Variants in ATP11C observed in about 807,000 individuals in gnomAD.
ATP11C encodes ATPase phospholipid transporting 11C (ATP11C blood group).
ATP11C carries 36 observed loss-of-function variants against 97.4 expected under a neutral mutation model. The observed-to-expected ratio is 0.37, with a 90% CI of 0.28 to 0.49. The LOEUF (loss-of-function observed/expected upper bound fraction) is 0.49, where lower values mean the gene tolerates loss of function less well. ATP11C is among the 20% of genes least tolerant of loss of function. The pLI, the probability that ATP11C is intolerant of heterozygous loss-of-function variation, is 0.98. For synonymous variants in ATP11C, 275 were observed against 290.9 expected (o/e 0.95, Z 0.56); for missense variants, 730 against 824.6 (o/e 0.89, Z 1.40).
chrX:139,848,517 T>A (rs1450261072), intron 1 of ATP11C, among the ~76,000 whole-genome samples: 1 of 108,602 alleles, frequency 9.2e-6, no homozygotes, highest in Non-Finnish European at 1.9e-5. Flanking sequence ...GAGACAGGGG[T>A]CTCACTATGT....
At chrX:139,781,388 A>T (rs1470552821) in intron 18 of ATP11C, among the ~76,000 whole-genome samples, 1 of 112,684 alleles carries the variant, frequency 8.9e-6, no homozygotes, top group Non-Finnish European at 1.9e-5. Context: ...AAGTCTGAAA[A>T]AGGTCAGCCT....
rs772112736 is a variant in ATP11C at position 139,797,262 on chromosome X, T to C, written c.922A>G (p.Thr308Ala). 4 of 1,186,488 alleles carry C rather than the reference T, an allele frequency of 3.4e-6. No homozygotes were observed. The Admixed American group carries it at 6.7e-5, about 20-fold the overall frequency. Residue 308 changes from threonine to alanine, a missense_variant, in exon 11 of 30, where the codon ACT (threonine) becomes GCT (alanine). Thr to Ala is a moderately conservative substitution (Grantham distance 58, BLOSUM62 0). Coordinates refer to ENST00000682941, the MANE Select transcript of ATP11C (RefSeq NM_001353812.2). ...ILLTKAAVCT[T>A]LKYVWQSTPY... ...GTACTTTGCCAAACATACTTTAGAG[T>C]AGTGCATACTGCAGCTTTGGTCAGT...
intron 2 of ATP11C, among the ~76,000 whole-genome samples, chrX:139,820,939 T>C (rs965938821): frequency 2.7e-5 from 3 of 111,354 alleles, no homozygotes; most frequent in Non-Finnish European, 5.6e-5. Context: ...ATGTGCGATT[T>C]AGCATGAAAC....
chrX:139,874,045 G>GT (rs746204437), intron 1 of ATP11C, among the ~76,000 whole-genome samples: 3,275 of 94,562 alleles, frequency 0.035, 58 homozygotes, highest in Middle Eastern at 0.069. Flanking sequence ...AAACAACCAG[G>GT]TTTTTTTTTT....
At chrX:139,867,309 A>C (rs2084302568) in intron 1 of ATP11C, among the ~76,000 whole-genome samples, 1 of 110,692 alleles carries the variant, frequency 9.0e-6, no homozygotes, top group Admixed American at 9.7e-5. Context: ...GGTAGACAGC[A>C]ATAAGTGCCA....
rs931338030 is a variant in ATP11C at position 139,775,060 on chromosome X, C to A, written c.1953-107G>T. 44 of 797,826 alleles carry A rather than the reference C, an allele frequency of 5.5e-5. 1 individual carries two copies. In the South Asian group the frequency reaches 1.6e-3, roughly 29 times the overall value. 65.7% of individuals were successfully genotyped at this position (797,826 alleles called of 1,213,427 possible). A position where few individuals can be genotyped will look rare whatever the true frequency, so the allele number is the denominator to read the frequency against. Reference sequence around the variant, plus strand: ...TTATAATTCACAGCAATTCTAGAGTCCTGACACCTTATCACGGTTGACTTT... The same window carrying A: ...TTATAATTCACAGCAATTCTAGAGTACTGACACCTTATCACGGTTGACTTT... On this transcript the variant is annotated intron_variant, in intron 18 of 29. Transcript: ENST00000682941.
intron 1 of ATP11C, among the ~76,000 whole-genome samples, chrX:139,872,172 A>T (rs2084388792): frequency 9.1e-6 from 1 of 109,961 alleles, no homozygotes. Flanking sequence ...GAATAATAAC[A>T]GCATCTGAAA....
chrX:139,879,339 T>TA (rs1257989577), intron 1 of ATP11C, among the ~76,000 whole-genome samples: 17 of 110,120 alleles, frequency 1.5e-4, no homozygotes, highest in African/African-American at 2.6e-4. Flanking sequence ...TATTCACCAT[T>TA]AAAAAAACAA....
At chrX:139,833,933 C>T (rs1198849617) in intron 1 of ATP11C, among the ~76,000 whole-genome samples, 2 of 111,746 alleles carry the variant, frequency 1.8e-5, no homozygotes, top group Non-Finnish European at 3.8e-5. Context: ...CTTTAAATGA[C>T]TGTAAACTAT....
intron 1 of ATP11C, among the ~76,000 whole-genome samples, chrX:139,926,732 C>G (rs999016061): frequency 8.9e-6 from 1 of 112,472 alleles, no homozygotes; most frequent in African/African-American, 3.2e-5. Flanking sequence ...AAGGAACAAA[C>G]AGTAAACACT....
intron 1 of ATP11C, among the ~76,000 whole-genome samples, chrX:139,870,481 TAA>T (rs1187704123): frequency 1.8e-5 from 2 of 112,412 alleles, no homozygotes; most frequent in African/African-American, 6.5e-5. Context: ...AATTTTTCTT[TAA>T]AAAAGTTTTT....
chrX:139,774,432 A>G (rs753057066), intron 19 of ATP11C, among the ~76,000 whole-genome samples: 1 of 112,499 alleles, frequency 8.9e-6, no homozygotes, highest in South Asian at 3.7e-4. Context: ...CCTAGACTCT[A>G]AACATTTAAA....
At chrX:139,826,041 C>A (rs1443547592) in intron 2 of ATP11C, among the ~76,000 whole-genome samples, 1 of 112,161 alleles carries the variant, frequency 8.9e-6, no homozygotes, top group African/African-American at 3.2e-5. Flanking sequence ...CAAGGTGACA[C>A]AACTAGTAAG....
At chrX:139,798,869 T>C in intron 8 of ATP11C, 126 bp from the exon 9 acceptor site, 1 of 480,373 alleles carries the variant, frequency 2.1e-6, no homozygotes, top group Non-Finnish European at 3.6e-6. Flanking sequence ...ACTTATACCA[T>C]ATGCTTACTC....
chrX:139,743,537 C>G (rs1356708988), intron 26 of ATP11C, 22 bp downstream of exon 26: 4 of 1,042,338 alleles, frequency 3.8e-6, no homozygotes, highest in Non-Finnish European at 5.2e-6. Flanking sequence ...TTAAAAAATA[C>G]ATGAATAAGT....
At chrX:139,935,469 G>A (rs2085512250), upstream of ATP11C, among the ~76,000 whole-genome samples, 1 of 111,312 alleles carries the variant, frequency 9.0e-6, no homozygotes, top group Non-Finnish European at 1.9e-5. Context: ...AGGAGGCTAA[G>A]ACAGGACAAT....
intron 1 of ATP11C, among the ~76,000 whole-genome samples, chrX:139,833,335 A>G (rs2083689577): frequency 8.9e-6 from 1 of 112,062 alleles, no homozygotes; most frequent in Admixed American, 9.5e-5. Context: ...AGAGGTAGAT[A>G]AAAAGCAAGT....
chrX:139,796,237 G>A lies in ATP11C; in HGVS notation c.1206+36C>T, dbSNP rs376950512. On this transcript the variant is annotated intron_variant, in intron 12 of 29. Transcript: ENST00000682941. ...CTACACAAAAAGATATTTTCACTAC[G>A]TTGACAAATTATTTTAAGTAAAACA... 1.4e-3 allele frequency: 1,480 copies of A among 1,034,967 alleles called. 1 individual carries two copies. Among genetic ancestry groups the A allele is most frequent in the South Asian group, 2.6e-3 (103 of 39,316 alleles). The allele number at this position is 1,034,967 out of a possible 1,213,427, so 85.3% of individuals were successfully genotyped here. A position where few individuals can be genotyped will look rare whatever the true frequency, so the allele number is the denominator to read the frequency against.
rs1375451627 is a variant in ATP11C at position 139,854,065 on chromosome X, C to A, written c.28-27242G>T. 2.7e-5 allele frequency among the ~76,000 whole-genome samples: 3 copies of A among 111,526 alleles called. No homozygotes were observed. The Admixed American group carries it at 2.8e-4, about 11-fold the overall frequency. ...ACAATAGATGGTTCCTCCCAGGTGA[C>A]TGAGTGAAAAAGACACAATAGGTAT... On this transcript the variant is annotated intron_variant, in intron 1 of 29. Transcript: ENST00000682941.
Sources: allele counts gnomAD v4.1 joint callset (sites outside exome capture counted in the v4.1 genomes callset), GRCh38; gene constraint gnomAD v4.1.1; transcripts MANE v1.5; gene names NCBI Gene and HGNC (gene_info 2026-07-23, HGNC 2026-07-21).